The following TRIM37 variants were observed in gnomAD, a reference collection of about 807,000 sequenced individuals.
TRIM37 encodes the protein tripartite motif containing 37.
In TRIM37, 80 loss-of-function variants were observed where a neutral mutation model predicts 129.8. The ratio of observed to expected loss-of-function variants is 0.62; its 90% CI spans 0.51 to 0.74. The LOEUF (loss-of-function observed/expected upper bound fraction) is 0.74, where lower values mean the gene tolerates loss of function less well. Ranked by LOEUF, TRIM37 falls within the 30% of genes least tolerant of loss-of-function variation. The pLI, the probability that TRIM37 is intolerant of heterozygous loss-of-function variation, is 0.00. For synonymous variants in TRIM37, 389 were observed against 387.1 expected (o/e 1.00, Z -0.06); for missense variants, 1,054 against 1,176.5 (o/e 0.90, Z 1.52).
At chr17:59,048,019 G>A (rs150505905) in intron 15 of TRIM37, among the ~76,000 whole-genome samples, 200 bp from the exon 16 acceptor site, 3 of 152,182 alleles carry the variant, frequency 2.0e-5, no homozygotes, top group East Asian at 1.9e-4. Context: ...TAACTTATGC[G>A]TGCCGCCTTC....
At chr17:59,035,929 T>C (rs1363221697) in intron 17 of TRIM37, among the ~76,000 whole-genome samples, 1 of 152,164 alleles carries the variant, frequency 6.6e-6, no homozygotes, top group African/African-American at 2.4e-5. Flanking sequence ...TACAGCATAC[T>C]GCCTGTATGC....
intron 17 of TRIM37, among the ~76,000 whole-genome samples, chr17:59,032,599 G>C (rs886232314): frequency 2.6e-5 from 4 of 151,738 alleles, no homozygotes; most frequent in South Asian, 2.1e-4. Flanking sequence ...TGATTGAGTG[G>C]TGGCCTCATT....
At chr17:59,067,787 C>T (rs1385750096) in intron 9 of TRIM37, among the ~76,000 whole-genome samples, 1 of 144,252 alleles carries the variant, frequency 6.9e-6, no homozygotes, top group African/African-American at 2.4e-5. Context: ...CCGCCCGCCT[C>T]GGCCTCCCAA....
intron 7 of TRIM37, among the ~76,000 whole-genome samples, 159 bp from the exon 8 acceptor site, chr17:59,075,873 C>A (rs908215046): frequency 1.3e-5 from 2 of 152,082 alleles, no homozygotes; most frequent in Non-Finnish European, 2.9e-5. Context: ...CTTTAAGAGG[C>A]TGAATATTAT....
At chr17:59,064,445 G>C in intron 9 of TRIM37, 40 bp from the exon 10 acceptor site, 1 of 1,497,738 alleles carries the variant, frequency 6.7e-7, no homozygotes, top group Non-Finnish European at 9.1e-7. Context: ...TAGCTTACAT[G>C]TTTAAAATTC....
intron 22 of TRIM37, among the ~76,000 whole-genome samples, chr17:59,007,028 TC>T (rs2034571123): frequency 6.6e-6 from 1 of 151,974 alleles, no homozygotes; most frequent in African/African-American, 2.4e-5. Flanking sequence ...TCAATCCTCT[TC>T]CACTCCCAGA....
chr17:59,040,052 G>A (rs1281003061), intron 17 of TRIM37, among the ~76,000 whole-genome samples: 2 of 151,870 alleles, frequency 1.3e-5, no homozygotes. Flanking sequence ...CAGCAATTTA[G>A]CCACCACATC....
intron 2 of TRIM37, among the ~76,000 whole-genome samples, chr17:59,098,795 C>T (rs2045167281): frequency 6.6e-6 from 1 of 151,002 alleles, no homozygotes; most frequent in African/African-American, 2.4e-5. Flanking sequence ...GAAATGAAAG[C>T]AGGAACTCAA....
At chr17:59,022,493 T>G in intron 19 of TRIM37, among the ~76,000 whole-genome samples, 1 of 152,260 alleles carries the variant, frequency 6.6e-6, no homozygotes, top group Admixed American at 6.5e-5. Flanking sequence ...GCATAGGCTC[T>G]GAAGTTCAAG....
At chr17:59,013,120 A>C (rs2035507477) in intron 21 of TRIM37, among the ~76,000 whole-genome samples, 1 of 152,112 alleles carries the variant, frequency 6.6e-6, no homozygotes, top group African/African-American at 2.4e-5. Flanking sequence ...ATATGTTCTA[A>C]TAGGGAAAGA....
chr17:59,051,902 T>C (rs1568101243), intron 13 of TRIM37, among the ~76,000 whole-genome samples: 1 of 152,148 alleles, frequency 6.6e-6, no homozygotes, highest in Non-Finnish European at 1.5e-5. Flanking sequence ...GGCTAATTTT[T>C]TGTAGCAAAA....
chr17:59,068,918 G>A (rs2042138724), intron 9 of TRIM37, among the ~76,000 whole-genome samples: 1 of 152,144 alleles, frequency 6.6e-6, no homozygotes, highest in African/African-American at 2.4e-5. Context: ...GTGGTGGGGT[G>A]GGGAGTGCTA....
downstream of TRIM37, among the ~76,000 whole-genome samples, chr17:58,996,103 T>A (rs2032963834): frequency 6.6e-6 from 1 of 151,992 alleles, no homozygotes; most frequent in African/African-American, 2.4e-5. Context: ...AAAACGTAAA[T>A]CTATAGTAGG....
At chr17:59,067,332 G>C (rs1599315515) in intron 9 of TRIM37, among the ~76,000 whole-genome samples, 1 of 152,218 alleles carries the variant, frequency 6.6e-6, no homozygotes, top group South Asian at 2.1e-4. Context: ...CTCTGGTTAT[G>C]ATGACTGGAT....
intron 16 of TRIM37, among the ~76,000 whole-genome samples, chr17:59,046,788 C>G (rs1210919451): frequency 6.6e-6 from 1 of 151,132 alleles, no homozygotes; most frequent in African/African-American, 2.4e-5. Flanking sequence ...GATCCACCCG[C>G]CTCAGCCTCC....
At position 59,014,515 on chromosome 17, in the gene TRIM37, C is replaced by T. The variant is rs59305092; in HGVS notation, c.2576+1095G>A. Among the ~76,000 whole-genome samples, 1,381 of 152,080 alleles carry T rather than the reference C, an allele frequency of 9.1e-3. 29 individuals carry two copies. Among genetic ancestry groups the T allele is most frequent in the African/African-American group, 0.031 (1,272 of 41,486 alleles). On this transcript the variant is annotated intron_variant, in intron 21 of 23. Coordinates refer to ENST00000262294, the MANE Select transcript of TRIM37 (RefSeq NM_015294.6). ...CCTAGGGGAGAGATAAACGTGTTAA[C>T]TACTATATATCTTTTTGGGAAATTC...
chr17:59,053,828 G>A (rs1034654169), intron 13 of TRIM37, among the ~76,000 whole-genome samples: 69 of 152,210 alleles, frequency 4.5e-4, no homozygotes, highest in African/African-American at 1.3e-3. Flanking sequence ...TCCAGGCACC[G>A]TGGCATGCAC....
At chr17:59,000,903 T>C (rs959198453) in intron 23 of TRIM37, among the ~76,000 whole-genome samples, 5 of 151,988 alleles carry the variant, frequency 3.3e-5, no homozygotes, top group African/African-American at 1.2e-4. Context: ...CTCTTGAAAA[T>C]TCTTCTTTGG....
rs1236283966 is a variant in TRIM37, at chr17:59,061,092, A to C, written c.959T>G (p.Val320Gly). The change falls in exon 12 of 24, where the codon GTG becomes GGG. Residue 320 changes from valine (V) to glycine (G), a missense_variant. Val to Gly is a moderately radical substitution (Grantham distance 109). Coordinates refer to ENST00000262294, the MANE Select transcript of TRIM37 (RefSeq NM_015294.6). ...AAACACAGATAAGTAGTAACCTCGCACAACTCCATTTCCATCCTAAAAGAA... is the reference window on the plus strand; with the variant it reads ...AAACACAGATAAGTAGTAACCTCGCCCAACTCCATTTCCATCCTAAAAGAA... ...LKVYPDGNGV[V>G]RGYYLSVFLE... is the part of the protein sequence containing the mutation. The C allele has an allele frequency of 1.2e-6, 2 of 1,613,558 alleles. No homozygotes were observed. The highest frequency in any genetic ancestry group is 8.5e-7 in the Non-Finnish European group (1 of 1,179,714).
Sources: gnomAD v4.1 joint callset for allele counts (sites outside exome capture counted in the v4.1 genomes callset) on GRCh38, gnomAD v4.1.1 for gene constraint, MANE v1.5 for transcripts, NCBI Gene and HGNC (gene_info 2026-07-23, HGNC 2026-07-21) for gene names.